EIF5B: variants seen among roughly 807,000 people sequenced by gnomAD.
The protein encoded by EIF5B is eukaryotic translation initiation factor 5B, also known as eIF-5B.
In EIF5B, 47 loss-of-function variants were observed where a neutral mutation model predicts 147.5. The observed-to-expected ratio is 0.32, with a 90% CI of 0.25 to 0.41. The LOEUF is 0.41. Ranked by LOEUF, EIF5B falls within the 10% of genes least tolerant of loss-of-function variation. The probability of loss-of-function intolerance (pLI) is 1.00; values close to 1 mark genes in which losing one functional copy is unlikely to be tolerated. For missense variants in EIF5B, 1,064 were observed against 1,413.2 expected (o/e 0.75, Z 3.96); for synonymous variants, 455 against 456.2 (o/e 1.00, Z 0.03).
At chr2:99,344,419 G>C (rs1007411183) in intron 1 of EIF5B, among the ~76,000 whole-genome samples, 1 of 145,674 alleles carries the variant, frequency 6.9e-6, no homozygotes, top group African/African-American at 2.5e-5. Context: ...TGTTGTTGTT[G>C]TTGTTGTTGT....
intron 7 of EIF5B, 46 bp downstream of exon 7, chr2:99,368,637 C>T (rs1432224142): frequency 1.4e-6 from 2 of 1,414,784 alleles, no homozygotes; most frequent in African/African-American, 1.4e-5. Context: ...TGTTGTTTGC[C>T]TTTCCCCCAC....
At position 99,374,645 on chromosome 2, in the gene EIF5B, G is replaced by A. The variant is rs535154239; in HGVS notation, c.1553-1702G>A. Among the ~76,000 whole-genome samples, 25 of 152,202 alleles carry A rather than the reference G, an allele frequency of 1.6e-4. No individual in the cohort carries two copies. The South Asian group carries it at 3.1e-3, about 19-fold the overall frequency. The stretch of plus-strand genomic sequence containing the variant: ...TTTGAAGTTATTATTCCCTTGCCCT[G>A]GCTTTCATTGTTCCTGTTGAGAAGT... On this transcript the variant is annotated intron_variant, in intron 9 of 23. Transcript: ENST00000289371.
intron 8 of EIF5B, 27 bp from the exon 9 acceptor site, chr2:99,371,629 G>A: frequency 1.3e-6 from 2 of 1,595,744 alleles, no homozygotes; most frequent in Middle Eastern, 1.7e-4. Flanking sequence ...TAATTTTTGT[G>A]TCTTAAATGC....
At chr2:99,344,179 T>C (rs2094267489) in intron 1 of EIF5B, among the ~76,000 whole-genome samples, 1 of 152,012 alleles carries the variant, frequency 6.6e-6, no homozygotes, top group African/African-American at 2.4e-5. Context: ...CTCGGCCTCC[T>C]GAAGTGCTGG....
intron 1 of EIF5B, among the ~76,000 whole-genome samples, chr2:99,348,241 T>G (rs1454608424): frequency 6.6e-6 from 1 of 152,220 alleles, no homozygotes; most frequent in African/African-American, 2.4e-5. Flanking sequence ...TCATATCCCT[T>G]TTAAAGGAGT....
Position 99,399,295 on chromosome 2 carries a change from C to G in EIF5B, c.3556-12C>G, listed in dbSNP as rs531262806. The G allele has an allele frequency of 6.2e-7, 1 of 1,613,130 alleles. No individual in the cohort carries two copies. ...TGTTCTGTTTACCCTGTTTGTGCCT[C>G]GGGCATTGCAGATCAGCCGGCAGTC... On this transcript the variant is annotated splice_polypyrimidine_tract_variant and intron_variant, in intron 23 of 23. Coordinates refer to ENST00000289371, the MANE Select transcript of EIF5B (RefSeq NM_015904.4).
intron 21 of EIF5B, among the ~76,000 whole-genome samples, chr2:99,395,175 T>C (rs1415260447): frequency 6.6e-6 from 1 of 152,230 alleles, no homozygotes; most frequent in Non-Finnish European, 1.5e-5. Flanking sequence ...TCTGGGATTA[T>C]ATAGATTGGA....
At chr2:99,371,388 T>C (rs1299376499) in intron 8 of EIF5B, among the ~76,000 whole-genome samples, 1 of 150,622 alleles carries the variant, frequency 6.6e-6, no homozygotes, top group Admixed American at 6.7e-5. Context: ...CTTGGGAGGC[T>C]GAGGCAGGAG....
chr2:99,343,958 G>A (rs1319018534), intron 1 of EIF5B, among the ~76,000 whole-genome samples: 3 of 150,180 alleles, frequency 2.0e-5, no homozygotes, highest in Admixed American at 6.6e-5. Context: ...TCGCTCTGTC[G>A]CCTAGGCTGG....
At chr2:99,343,167 G>T (rs1195030879) in intron 1 of EIF5B, among the ~76,000 whole-genome samples, 1 of 151,696 alleles carries the variant, frequency 6.6e-6, no homozygotes, top group African/African-American at 2.4e-5. Context: ...TGTTGGCCAG[G>T]CTGGTCTCGA....
chr2:99,345,229 T>C (rs1201642744), intron 1 of EIF5B, among the ~76,000 whole-genome samples: 1 of 152,208 alleles, frequency 6.6e-6, no homozygotes, highest in Non-Finnish European at 1.5e-5. Flanking sequence ...CCTTGCCTGT[T>C]GTATGAGAGT....
At chr2:99,362,193 A>G (rs994509323) in intron 4 of EIF5B, among the ~76,000 whole-genome samples, 13 of 152,202 alleles carry the variant, frequency 8.5e-5, no homozygotes, top group African/African-American at 3.1e-4. Flanking sequence ...ACCTAGTTCA[A>G]TTTATGAAAT....
intron 1 of EIF5B, among the ~76,000 whole-genome samples, chr2:99,356,138 C>T (rs1250924442): frequency 6.6e-6 from 1 of 152,152 alleles, no homozygotes; most frequent in Non-Finnish European, 1.5e-5. Context: ...GGGTCCTATA[C>T]AGGATACCAC....
At chr2:99,356,627 G>A (rs1378181715) in intron 1 of EIF5B, among the ~76,000 whole-genome samples, 1 of 152,070 alleles carries the variant, frequency 6.6e-6, no homozygotes, top group Non-Finnish European at 1.5e-5. Context: ...GTGTGTGTGT[G>A]TTTTCGTGTG....
intron 1 of EIF5B, chr2:99,338,403 C>A (rs529137011): frequency 1.1e-5 from 13 of 1,174,012 alleles, no homozygotes; most frequent in African/African-American, 3.1e-5. Context: ...TGGGAGTGAA[C>A]AACATCTGTT....
chr2:99,398,682 C>A, intron 22 of EIF5B, 66 bp from the exon 23 acceptor site: 1 of 1,498,862 alleles, frequency 6.7e-7, no homozygotes, highest in Non-Finnish European at 9.0e-7. Flanking sequence ...TTCAGCTATC[C>A]AGCCATGGCG....
At chr2:99,339,005 C>CAAATAT (rs1559240268) in intron 1 of EIF5B, among the ~76,000 whole-genome samples, 3 of 57,580 alleles carry the variant, frequency 5.2e-5, no homozygotes, top group Non-Finnish European at 9.3e-5. Flanking sequence ...TATATATATA[C>CAAATAT]ATTTTTTTTT....
At chr2:99,369,787 T>C (rs1674406110) in intron 8 of EIF5B, among the ~76,000 whole-genome samples, 1 of 152,232 alleles carries the variant, frequency 6.6e-6, no homozygotes, top group Admixed American at 6.5e-5. Context: ...CCATCCTGGC[T>C]AACACGGTGA....
chr2:99,394,472 T>C, intron 19 of EIF5B, 37 bp from the exon 20 acceptor site: 1 of 1,614,020 alleles, frequency 6.2e-7, no homozygotes, highest in Non-Finnish European at 8.5e-7. Context: ...CATTACCTGA[T>C]ACATACAGAT....
Sources: allele counts gnomAD v4.1 joint callset (sites outside exome capture counted in the v4.1 genomes callset), GRCh38; gene constraint gnomAD v4.1.1; transcripts MANE v1.5; gene names NCBI Gene and HGNC (gene_info 2026-07-23, HGNC 2026-07-21).